Variants in DOCK4 observed in about 807,000 individuals in gnomAD.
The protein encoded by DOCK4 is dedicator of cytokinesis 4, also known as dedicator of cytokinesis protein 4.
A neutral mutation model predicts 268.1 loss-of-function variants in DOCK4; 97 were observed. The ratio of observed to expected loss-of-function variants is 0.36; its 90% confidence interval spans 0.31 to 0.43. The LOEUF (loss-of-function observed/expected upper bound fraction) is 0.43. DOCK4 is among the 20% of genes least tolerant of loss of function. The probability of loss-of-function intolerance (pLI) is 1.00; values close to 1 mark genes in which losing one functional copy is unlikely to be tolerated. For synonymous variants in DOCK4, 954 were observed against 887.2 expected, an observed-to-expected ratio of 1.08 and a Z score of -1.34; for missense variants, 2,145 against 2,455.7, an observed-to-expected ratio of 0.87 and a Z score of 2.67.
chr7:111,926,800 C>T (rs1793737201), intron 12 of DOCK4, among the ~76,000 whole-genome samples: 1 of 148,946 alleles, frequency 6.7e-6, no homozygotes, highest in Non-Finnish European at 1.5e-5. Flanking sequence ...TGCCACTGCA[C>T]TCCAGCCTGG....
intron 25 of DOCK4, 33 bp downstream of exon 25, chr7:111,844,730 C>T: frequency 6.3e-7 from 1 of 1,596,528 alleles, no homozygotes; most frequent in Non-Finnish European, 8.5e-7. Flanking sequence ...TAACCAGGCC[C>T]TGTTCCACGT....
chr7:112,157,863 G>T (rs1816764238), intron 1 of DOCK4, among the ~76,000 whole-genome samples: 1 of 152,108 alleles, frequency 6.6e-6, no homozygotes, highest in Admixed American at 6.6e-5. Flanking sequence ...GATCCCGTGT[G>T]ACCAATGACA....
rs979330687 is a variant in DOCK4 at position 111,834,733 on chromosome 7, G to C, written c.2737-47C>G. The C allele has an allele frequency of 5.4e-6, 7 of 1,304,628 alleles. No individual in the cohort carries two copies. In the Admixed American group the frequency reaches 1.8e-4, roughly 33 times the overall value. 80.8% of individuals were successfully genotyped at this position (1,304,628 alleles called of 1,614,324 possible). On this transcript the variant is annotated intron_variant, in intron 25 of 52. Transcript: ENST00000428084. The stretch of plus-strand genomic sequence containing the variant: ...CATACATTTTATTTTTAGTAAGGAC[G>C]TAAAAGAACATCAGTAACTTACACT...
At chr7:112,191,727 A>T (rs973965850) in intron 1 of DOCK4, among the ~76,000 whole-genome samples, 13 of 151,900 alleles carry the variant, frequency 8.6e-5, no homozygotes, top group African/African-American at 2.9e-4. Context: ...GAGTGCCTGA[A>T]TCTCAGCCCT....
intron 1 of DOCK4, among the ~76,000 whole-genome samples, chr7:112,118,469 C>A (rs981055251): frequency 6.6e-6 from 1 of 152,010 alleles, no homozygotes; most frequent in African/African-American, 2.4e-5. Flanking sequence ...CTCAATCTAC[C>A]CAAAGATACT....
intron 15 of DOCK4, among the ~76,000 whole-genome samples, chr7:111,899,957 A>C (rs141657480): frequency 6.6e-6 from 1 of 152,190 alleles, no homozygotes; most frequent in Non-Finnish European, 1.5e-5. Context: ...AAATGAGGCA[A>C]TTACTTCATG....
At chr7:111,913,904 CAAAG>C (rs1263363325) in intron 13 of DOCK4, among the ~76,000 whole-genome samples, 4 of 151,926 alleles carry the variant, frequency 2.6e-5, no homozygotes, top group Admixed American at 2.6e-4. Context: ...CACAAACAAA[CAAAG>C]AAACAAAAGA....
intron 25 of DOCK4, among the ~76,000 whole-genome samples, chr7:111,836,262 TA>T (rs1398660352): frequency 6.6e-6 from 1 of 151,872 alleles, no homozygotes; most frequent in Non-Finnish European, 1.5e-5. Context: ...AGGCATTAGT[TA>T]GAGTACCAAA....
chr7:111,831,489 C>CAT (rs1563563292), intron 26 of DOCK4, among the ~76,000 whole-genome samples: 1 of 144,032 alleles, frequency 6.9e-6, no homozygotes, highest in Non-Finnish European at 1.5e-5. Context: ...TTTCCTTTTT[C>CAT]TTTTTTTTTT....
chr7:111,752,326 G>C (rs1420999573), intron 42 of DOCK4, among the ~76,000 whole-genome samples: 1 of 152,030 alleles, frequency 6.6e-6, no homozygotes, highest in East Asian at 1.9e-4. Flanking sequence ...GGAGACTACA[G>C]GGATAAGGGG....
At chr7:111,930,998 C>G (rs1028098234) in intron 12 of DOCK4, among the ~76,000 whole-genome samples, 1 of 152,150 alleles carries the variant, frequency 6.6e-6, no homozygotes, top group Non-Finnish European at 1.5e-5. Flanking sequence ...GGGTTTGCCT[C>G]AGCTTGAGAG....
rs780236982 is a variant in DOCK4, at chr7:111,727,223, G to C, written c.*1051C>G. 1 of 152,626 alleles carries C rather than the reference G, an allele frequency of 6.6e-6. No homozygotes were observed. Among genetic ancestry groups the C allele is most frequent in the Non-Finnish European group, 1.5e-5 (1 of 68,038 alleles). The allele number at this position is 152,626 out of a possible 1,614,324, so 9.5% of individuals were successfully genotyped here. A position where few individuals can be genotyped will look rare whatever the true frequency, so the allele number is the denominator to read the frequency against. On this transcript the variant is annotated 3_prime_UTR_variant, in exon 53 of 53. Transcript: ENST00000428084. ...TCCTCCTTCAAGAGAAAGACGACAG[G>C]TCAGCTAAGACAAACTCCACTGGTA...
At chr7:111,782,622 G>T (rs887657194) in intron 35 of DOCK4, among the ~76,000 whole-genome samples, 2 of 152,128 alleles carry the variant, frequency 1.3e-5, no homozygotes, top group Non-Finnish European at 2.9e-5. Context: ...TCCCACACGG[G>T]TCTCCTATTA....
At chr7:111,756,576 A>T (rs13232211) in intron 41 of DOCK4, among the ~76,000 whole-genome samples, 7 of 151,684 alleles carry the variant, frequency 4.6e-5, no homozygotes, top group Non-Finnish European at 1.0e-4. Context: ...GGGACGAGCA[A>T]CCCCAGGACA....
At chr7:111,780,150 G>C (rs1798703271) in intron 35 of DOCK4, among the ~76,000 whole-genome samples, 1 of 152,166 alleles carries the variant, frequency 6.6e-6, no homozygotes, top group South Asian at 2.1e-4. Context: ...TGAAGCCTGA[G>C]GATCTGCTAT....
At chr7:112,007,032 T>C (rs1332753573) in intron 1 of DOCK4, among the ~76,000 whole-genome samples, 1 of 152,230 alleles carries the variant, frequency 6.6e-6, no homozygotes, top group African/African-American at 2.4e-5. Flanking sequence ...CACTGGGAAA[T>C]GCAAAGCAGC....
chr7:111,856,800 T>C (rs1219547257), intron 23 of DOCK4, among the ~76,000 whole-genome samples: 5 of 152,142 alleles, frequency 3.3e-5, no homozygotes, highest in Non-Finnish European at 7.4e-5. Context: ...AAAACACTAA[T>C]GATTTTTAGC....
intron 42 of DOCK4, among the ~76,000 whole-genome samples, chr7:111,751,012 G>A (rs943486030): frequency 6.6e-6 from 1 of 151,998 alleles, no homozygotes; most frequent in African/African-American, 2.4e-5. Context: ...GTATTCCAAT[G>A]AGTAAATAAA....
intron 35 of DOCK4, among the ~76,000 whole-genome samples, chr7:111,779,729 A>T (rs112636028): frequency 2.0e-5 from 3 of 152,330 alleles, no homozygotes; most frequent in African/African-American, 7.2e-5. Context: ...CATACTGATA[A>T]GCATCCAAAG....
Sources: allele counts gnomAD v4.1 joint callset (sites outside exome capture counted in the v4.1 genomes callset), GRCh38; gene constraint gnomAD v4.1.1; transcripts MANE v1.5; gene names NCBI Gene and HGNC (gene_info 2026-07-23, HGNC 2026-07-21).